RUNX1: variants seen among roughly 807,000 people sequenced by gnomAD.
RUNX1 encodes the protein runt-related transcription factor 1.
A neutral mutation model predicts 42.8 loss-of-function variants in RUNX1; 19 were observed. The observed-to-expected ratio is 0.44, with a 90% CI of 0.31 to 0.65. The LOEUF is 0.65. Ranked by LOEUF, RUNX1 falls within the 30% of genes least tolerant of loss-of-function variation. The probability of loss-of-function intolerance (pLI) is 0.07; values close to 1 mark genes in which losing one functional copy is unlikely to be tolerated. For missense variants in RUNX1, 528 were observed against 672.0 expected (o/e 0.79, Z 2.37); for synonymous variants, 271 against 289.4 (o/e 0.94, Z 0.64).
intron 2 of RUNX1, among the ~76,000 whole-genome samples, chr21:34,995,087 A>C (rs1412705992): frequency 6.6e-6 from 1 of 152,200 alleles, no homozygotes; most frequent in Admixed American, 6.5e-5. Flanking sequence ...CGAAGTCAGC[A>C]ATGGATGCCA....
At chr21:34,989,948 T>C (rs1025895718) in intron 2 of RUNX1, among the ~76,000 whole-genome samples, 2 of 152,140 alleles carry the variant, frequency 1.3e-5, no homozygotes, top group African/African-American at 2.4e-5. Context: ...TCCTCATGGG[T>C]TGGGGACGGG....
At chr21:34,935,622 C>A (rs1431032687) in intron 2 of RUNX1, among the ~76,000 whole-genome samples, 1 of 151,778 alleles carries the variant, frequency 6.6e-6, no homozygotes, top group Non-Finnish European at 1.5e-5. Context: ...GGTTTCTCAA[C>A]CTCAGAACTC....
chr21:35,020,621 G>T (rs2059191603), intron 2 of RUNX1, among the ~76,000 whole-genome samples: 1 of 152,104 alleles, frequency 6.6e-6, no homozygotes, highest in South Asian at 2.1e-4. Flanking sequence ...CGAGGATGGG[G>T]AAGAGGAAGC....
chr21:34,889,946 C>T (rs2058059311), intron 3 of RUNX1: 9 of 753,656 alleles, frequency 1.2e-5, no homozygotes, highest in Non-Finnish European at 1.5e-5. Context: ...CCACCGCGGG[C>T]TGCTTTGTGG....
At position 34,792,285 on chromosome 21, in the gene RUNX1, G is replaced by C. The variant is rs770596574; in HGVS notation, c.1293C>G (p.Pro431=). Residue 431 remains proline, a synonymous_variant, in exon 9 of 9, where the codon CCC becomes CCG. Transcript: ENST00000675419. The surrounding 1 kb of genome is among the most constrained non-coding windows in gnomAD (Gnocchi z 6.9). ...CGGAGCCGGTGGAGGCGTTGGTGCAGGGCGGCAGGATGCGCGGCGGCGAGC... is the reference window on the plus strand; with the variant it reads ...CGGAGCCGGTGGAGGCGTTGGTGCACGGCGGCAGGATGCGCGGCGGCGAGC... ...GERSPPRILP[P]CTNASTGSAL... 1.9e-6 allele frequency: 3 copies of C among 1,543,540 alleles called. No individual in the cohort carries two copies. In the South Asian group the frequency reaches 3.6e-5, roughly 18 times the overall value.
chr21:34,822,355 A>G (rs2056920240), intron 7 of RUNX1, among the ~76,000 whole-genome samples: 1 of 152,222 alleles, frequency 6.6e-6, no homozygotes, highest in South Asian at 2.1e-4. Context: ...TGTTCTATAA[A>G]TACGAGCTAT....
At position 34,901,107 on chromosome 21, in the gene RUNX1, G is replaced by C. The variant is rs964650136; in HGVS notation, c.59-8144C>G. Among the ~76,000 whole-genome samples, 1 of 152,114 alleles carries C rather than the reference G, an allele frequency of 6.6e-6. No homozygotes were observed. The highest frequency in any genetic ancestry group is 1.5e-5 in the Non-Finnish European group (1 of 68,028). ...TCATCAGAAGAAATAACCAAGGAGC[G>C]GGAATGTGGGGAGAGGTTCACAACA... is the stretch of plus-strand genomic sequence containing the variant. On this transcript the variant is annotated intron_variant, in intron 2 of 8. Transcript: ENST00000675419. This position sits in a 1 kb window ranked among gnomAD's most constrained non-coding sequence, Gnocchi z 4.3.
rs988679079 is a variant in RUNX1 at position 34,792,754 on chromosome 21, G to A, written c.968-144C>T. ...CCAGGATGCTACTGCTGGGGAGGAC[G>A]GGGACCACCCGGGATGCTACTCCCA... On this transcript the variant is annotated intron_variant, in intron 8 of 8. Coordinates refer to ENST00000675419, the MANE Select transcript of RUNX1 (RefSeq NM_001754.5). The surrounding 1 kb of genome is among the most constrained non-coding windows in gnomAD (Gnocchi z 6.9). 3.8e-6 allele frequency: 3 copies of A among 794,514 alleles called. No homozygotes were observed. Among genetic ancestry groups the A allele is most frequent in the African/African-American group, 1.7e-5 (1 of 57,242 alleles). 49.2% of individuals were successfully genotyped at this position (794,514 alleles called of 1,614,324 possible). A position where few individuals can be genotyped will look rare whatever the true frequency, so the allele number is the denominator to read the frequency against.
At chr21:34,805,602 C>G (rs1172869083) in intron 7 of RUNX1, among the ~76,000 whole-genome samples, 1 of 152,184 alleles carries the variant, frequency 6.6e-6, no homozygotes, top group Non-Finnish European at 1.5e-5. Flanking sequence ...AGCTACCAAA[C>G]TATTATTCTG....
At chr21:35,049,103 A>T in intron 1 of RUNX1, 65 bp downstream of exon 1, 1 of 539,744 alleles carries the variant, frequency 1.9e-6, no homozygotes. Context: ...AAATATTCAA[A>T]TTGTTAAAGA....
At chr21:34,886,689 G>T (rs533350758) in intron 4 of RUNX1, among the ~76,000 whole-genome samples, 154 bp downstream of exon 4, 3 of 152,356 alleles carry the variant, frequency 2.0e-5, no homozygotes, top group African/African-American at 7.2e-5. Context: ...CGGCAACACA[G>T]CATCCCCCAC....
intron 3 of RUNX1, chr21:34,888,237 C>T: frequency 9.4e-7 from 1 of 1,067,046 alleles, no homozygotes; most frequent in Non-Finnish European, 1.1e-6. Flanking sequence ...CCACGAGCGC[C>T]GCGTAACCGC....
intron 2 of RUNX1, among the ~76,000 whole-genome samples, chr21:34,899,394 A>AG (rs2058158908): frequency 6.6e-6 from 1 of 152,136 alleles, no homozygotes; most frequent in African/African-American, 2.4e-5. Context: ...AGAAAAGACC[A>AG]GATTGATCTC....
intron 7 of RUNX1, chr21:34,833,931 TTAA>T (rs1466197760): frequency 3.2e-6 from 1 of 315,482 alleles, no homozygotes; most frequent in East Asian, 7.6e-5. Context: ...CAACTATTTC[TTAA>T]TAATAAAAAA....
At chr21:34,993,646 C>A (rs1362419348) in intron 2 of RUNX1, among the ~76,000 whole-genome samples, 2 of 98,592 alleles carry the variant, frequency 2.0e-5, no homozygotes, top group East Asian at 2.7e-4. Context: ...CACACACAGG[C>A]ACACACACAC....
chr21:35,025,771 T>A (rs1408753509), intron 2 of RUNX1, among the ~76,000 whole-genome samples: 1 of 152,104 alleles, frequency 6.6e-6, no homozygotes, highest in African/African-American at 2.4e-5. Flanking sequence ...GAGTGATTGC[T>A]GTGAGGAATT....
chr21:35,023,869 AATAAT>A (rs1247969962), intron 2 of RUNX1, among the ~76,000 whole-genome samples: 1 of 151,978 alleles, frequency 6.6e-6, no homozygotes, highest in African/African-American at 2.4e-5. Context: ...CTTTTGTAAA[AATAAT>A]AAACACATAA....
intron 7 of RUNX1, among the ~76,000 whole-genome samples, chr21:34,815,091 A>C (rs2056807510): frequency 6.6e-6 from 1 of 152,166 alleles, no homozygotes; most frequent in South Asian, 2.1e-4. Flanking sequence ...TTAAAAAGCA[A>C]ACCAGTCTCA....
chr21:34,821,157 G>C (rs949618643), intron 7 of RUNX1: 76 of 943,198 alleles, frequency 8.1e-5, no homozygotes, highest in Non-Finnish European at 9.6e-5. Context: ...TGGGGCTCCC[G>C]AGGAATAAGG....
Sources: gnomAD v4.1 joint callset for allele counts (sites outside exome capture counted in the v4.1 genomes callset) on GRCh38, gnomAD v4.1.1 for gene constraint, Gnocchi (gnomAD v3.1) non-coding constraint, MANE v1.5 for transcripts, NCBI Gene and HGNC (gene_info 2026-07-23, HGNC 2026-07-21) for gene names.